Variants in TRIM71 observed in about 807,000 individuals in gnomAD.
TRIM71 encodes E3 ubiquitin-protein ligase TRIM71.
In TRIM71, 9 loss-of-function variants were observed where a neutral mutation model predicts 61.2. The observed-to-expected ratio is 0.15, with a 90% CI of 0.09 to 0.26. TRIM71 has a LOEUF of 0.26. Ranked by LOEUF, TRIM71 falls within the 10% of genes least tolerant of loss-of-function variation. The pLI, the probability that TRIM71 is intolerant of heterozygous loss-of-function variation, is 1.00. For missense variants in TRIM71, 998 were observed against 1,238.7 expected, an observed-to-expected ratio of 0.81 and a Z score of 2.92; for synonymous variants, 645 against 553.2, an observed-to-expected ratio of 1.17 and a Z score of -2.33.
chr3:32,884,988 G>A (rs948897981), intron 2 of TRIM71, among the ~76,000 whole-genome samples: 3 of 152,118 alleles, frequency 2.0e-5, no homozygotes, highest in African/African-American at 4.8e-5. Flanking sequence ...ATTGGAACCT[G>A]GGTTACCTGA....
intron 1 of TRIM71, among the ~76,000 whole-genome samples, chr3:32,824,030 G>A (rs549819405): frequency 8.6e-5 from 13 of 151,118 alleles, no homozygotes; most frequent in Non-Finnish European, 8.8e-5. Flanking sequence ...ATCCGAGATC[G>A]TGCCGCTGCA....
chr3:32,890,740 C>T lies in TRIM71; in HGVS notation c.1536C>T (p.His512=), dbSNP rs767735062. The T allele has an allele frequency of 9.3e-6, 15 of 1,613,988 alleles. No individual in the cohort carries two copies. The highest frequency in any genetic ancestry group is 3.3e-5 in the Admixed American group (2 of 60,002). The stretch of plus-strand genomic sequence containing the variant: ...CCTTCACAGTCATTGGTTATGACCA[C>T]GATGGTGAGCCCCGCCTCTCAGGAG... ...VASFTVIGYD[H]DGEPRLSGGD... is the part of the protein sequence containing the mutation. The change falls in exon 4 of 4, where the codon CAC becomes CAT. Residue 512 remains histidine (H), a synonymous_variant. Transcript: ENST00000383763. This position sits in a 1 kb window ranked among gnomAD's most constrained non-coding sequence, Gnocchi z 6.2.
intron 1 of TRIM71, 89 bp downstream of exon 1, chr3:32,819,021 G>A: frequency 3.5e-6 from 5 of 1,416,816 alleles, no homozygotes; most frequent in Non-Finnish European, 4.9e-6. Flanking sequence ...AGCGAGGGGA[G>A]GAGGCCCTCT....
chr3:32,865,975 C>T (rs957563560), intron 1 of TRIM71, among the ~76,000 whole-genome samples: 3 of 151,620 alleles, frequency 2.0e-5, no homozygotes, highest in South Asian at 2.1e-4. Context: ...TACTGATGCC[C>T]GTCACTACGC....
intron 1 of TRIM71, among the ~76,000 whole-genome samples, chr3:32,865,336 C>CA (rs980635661): frequency 6.6e-6 from 1 of 151,856 alleles, no homozygotes; most frequent in Non-Finnish European, 1.5e-5. Flanking sequence ...CTCAAAAAAA[C>CA]AAAAAACAAG....
Position 32,818,105 on chromosome 3 carries a change from T to C in TRIM71, c.25T>C (p.Phe9Leu). MASFPETD[F>L]QICLLCKEMC... The stretch of plus-strand genomic sequence containing the variant: ...AATGGCTTCGTTCCCCGAGACCGAT[T>C]TCCAGATCTGCTTGCTGTGCAAGGA... Residue 9 changes from phenylalanine to leucine, a missense_variant, in exon 1 of 4, where the codon TTC becomes CTC. Phe to Leu is a conservative substitution (Grantham distance 22). Around this residue, in one of 5 missense-constraint regions of TRIM71, gnomAD observed 527 missense variants for 427.8 expected, o/e 1.23. Transcript: ENST00000383763. The C allele has an allele frequency of 6.2e-7, 1 of 1,610,734 alleles. No homozygotes were observed. The highest frequency in any genetic ancestry group is 1.7e-4 in the Middle Eastern group (1 of 6,052).
chr3:32,880,898 A>G (rs1045825428), intron 2 of TRIM71, among the ~76,000 whole-genome samples: 2 of 152,210 alleles, frequency 1.3e-5, no homozygotes, highest in Non-Finnish European at 2.9e-5. Context: ...CACATTTAAG[A>G]TGCCATTAAT....
intron 1 of TRIM71, among the ~76,000 whole-genome samples, chr3:32,835,388 A>G (rs1353632774): frequency 6.6e-6 from 1 of 152,210 alleles, no homozygotes; most frequent in Non-Finnish European, 1.5e-5. Flanking sequence ...TGGTAAAAGC[A>G]GACAGGTTGG....
intron 1 of TRIM71, among the ~76,000 whole-genome samples, chr3:32,853,143 G>T (rs571688481): frequency 4.0e-4 from 53 of 132,124 alleles, no homozygotes; most frequent in African/African-American, 1.4e-3. Flanking sequence ...TTTTGAGACA[G>T]TCTCACTCTG....
intron 1 of TRIM71, among the ~76,000 whole-genome samples, chr3:32,870,995 G>A (rs980729554): frequency 1.3e-5 from 2 of 149,970 alleles, no homozygotes; most frequent in African/African-American, 5.0e-5. Flanking sequence ...TGGTAGTTTG[G>A]GCCCAAGTGT....
At chr3:32,850,878 C>A (rs1696531044) in intron 1 of TRIM71, among the ~76,000 whole-genome samples, 1 of 152,182 alleles carries the variant, frequency 6.6e-6, no homozygotes. Flanking sequence ...CCCGAAATCT[C>A]AAGTCATTCT....
intron 1 of TRIM71, among the ~76,000 whole-genome samples, chr3:32,825,379 A>G (rs1334684299): frequency 6.6e-6 from 1 of 152,216 alleles, no homozygotes; most frequent in East Asian, 1.9e-4. Flanking sequence ...AGAAATTTTC[A>G]TTAAATAATT....
intron 3 of TRIM71, among the ~76,000 whole-genome samples, chr3:32,886,311 C>T (rs1463689290): frequency 6.6e-6 from 1 of 152,166 alleles, no homozygotes; most frequent in Non-Finnish European, 1.5e-5. Context: ...TGGAAGCGGT[C>T]TCCAGTTTTA....
chr3:32,857,497 C>T (rs369743177), intron 1 of TRIM71, among the ~76,000 whole-genome samples: 7 of 152,266 alleles, frequency 4.6e-5, no homozygotes, highest in African/African-American at 1.4e-4. Flanking sequence ...GGGGCGCTGA[C>T]GCCCTGTACA....
rs550911726 is a variant in TRIM71 at position 32,854,859 on chromosome 3, G to T, written c.853-18959G>T. Among the ~76,000 whole-genome samples, 7 of 152,300 alleles carry T rather than the reference G, an allele frequency of 4.6e-5. No individual in the cohort carries two copies. The East Asian group carries it at 1.4e-3, about 29-fold the overall frequency. On this transcript the variant is annotated intron_variant, in intron 1 of 3. Transcript: ENST00000383763. ...ACACTTAGATGCTTGGAATGAAGCA[G>T]TGAACAAGACGGAAAAGTCAGTTCC...
intron 1 of TRIM71, among the ~76,000 whole-genome samples, chr3:32,871,171 T>C (rs1206686553): frequency 6.6e-6 from 1 of 152,128 alleles, no homozygotes; most frequent in East Asian, 1.9e-4. Context: ...TCAGGCCCCT[T>C]TTGTTTCACA....
At chr3:32,837,440 G>T (rs756596814) in intron 1 of TRIM71, among the ~76,000 whole-genome samples, 2 of 152,152 alleles carry the variant, frequency 1.3e-5, no homozygotes, top group Non-Finnish European at 2.9e-5. Flanking sequence ...AGTTTTAGGG[G>T]CTGTGGATAT....
At chr3:32,885,762 A>G (rs970032971) in intron 2 of TRIM71, among the ~76,000 whole-genome samples, 172 bp from the exon 3 acceptor site, 2 of 152,220 alleles carry the variant, frequency 1.3e-5, no homozygotes, top group South Asian at 2.1e-4. Context: ...TTACATGTCA[A>G]ACAGATGCCA....
intron 1 of TRIM71, among the ~76,000 whole-genome samples, chr3:32,828,382 C>A (rs919309216): frequency 4.6e-5 from 7 of 152,106 alleles, no homozygotes; most frequent in African/African-American, 1.4e-4. Flanking sequence ...AGGTTAGATT[C>A]TGCTTTGCCT....
Sources: gnomAD v4.1 joint callset for allele counts (sites outside exome capture counted in the v4.1 genomes callset) on GRCh38, gnomAD v4.1.1 for gene constraint, gnomAD v4.1.1 regional missense constraint, Gnocchi (gnomAD v3.1) non-coding constraint, MANE v1.5 for transcripts, NCBI Gene and HGNC (gene_info 2026-07-23, HGNC 2026-07-21) for gene names.